KLHL1: variants seen among roughly 807,000 people sequenced by gnomAD.
The protein encoded by KLHL1 is kelch like family member 1.
A neutral mutation model predicts 77.7 loss-of-function variants in KLHL1; 47 were observed. The ratio of observed to expected loss-of-function variants is 0.60; its 90% CI spans 0.48 to 0.77. The LOEUF is 0.77. Ranked by LOEUF, KLHL1 falls within the 30% of genes least tolerant of loss-of-function variation. The probability of loss-of-function intolerance (pLI) is 0.00; values close to 1 mark genes in which losing one functional copy is unlikely to be tolerated. For missense variants in KLHL1, 925 were observed against 910.8 expected (o/e 1.02, Z -0.20); for synonymous variants, 360 against 325.2 (o/e 1.11, Z -1.15).
chr13:69,992,657 C>A (rs1235916749), intron 1 of KLHL1, among the ~76,000 whole-genome samples: 1 of 151,968 alleles, frequency 6.6e-6, no homozygotes, highest in Non-Finnish European at 1.5e-5. Context: ...GATCCTTTAT[C>A]TTTCCTTATT....
chr13:69,921,921 ATT>A (rs1197300551), intron 4 of KLHL1, among the ~76,000 whole-genome samples: 37 of 122,620 alleles, frequency 3.0e-4, no homozygotes, highest in African/African-American at 4.3e-4. Context: ...TGAATGATTG[ATT>A]TTTTTTTTTT....
At chr13:69,992,492 A>T (rs752500233) in intron 1 of KLHL1, among the ~76,000 whole-genome samples, 1 of 152,030 alleles carries the variant, frequency 6.6e-6, no homozygotes, top group African/African-American at 2.4e-5. Flanking sequence ...TATGTGCCTT[A>T]GCTAGACTTA....
intron 1 of KLHL1, among the ~76,000 whole-genome samples, chr13:70,041,132 A>T (rs573415761): frequency 5.3e-4 from 80 of 152,046 alleles, no homozygotes; most frequent in East Asian, 2.3e-3. Context: ...ATTTTAAAAA[A>T]TTTTTTTTAT....
intron 1 of KLHL1, among the ~76,000 whole-genome samples, chr13:70,065,674 T>C (rs1242580927): frequency 1.3e-5 from 2 of 152,194 alleles, no homozygotes; most frequent in African/African-American, 4.8e-5. Context: ...TTTTAGTATA[T>C]GTGCTTGGAG....
chr13:69,822,197 CAAA>C (rs35346749), intron 6 of KLHL1, among the ~76,000 whole-genome samples: 5 of 78,378 alleles, frequency 6.4e-5, no homozygotes, highest in African/African-American at 4.6e-5. Context: ...GACTCCATCT[CAAA>C]AAAAAAAAAA....
chr13:69,898,801 T>C (rs888086750), intron 4 of KLHL1, among the ~76,000 whole-genome samples: 1 of 152,168 alleles, frequency 6.6e-6, no homozygotes, highest in African/African-American at 2.4e-5. Context: ...GACATTTTTT[T>C]CTATTCAATG....
chr13:69,752,399 T>C (rs931977012), intron 7 of KLHL1, among the ~76,000 whole-genome samples: 51 of 152,270 alleles, frequency 3.3e-4, no homozygotes, highest in African/African-American at 1.2e-3. Flanking sequence ...GTCAAAAATA[T>C]TTTAAAAAGT....
chr13:69,861,946 C>G (rs1880182503), intron 5 of KLHL1, among the ~76,000 whole-genome samples: 1 of 145,702 alleles, frequency 6.9e-6, no homozygotes, highest in Non-Finnish European at 1.5e-5. Flanking sequence ...GCCTGAGCAA[C>G]AAGAGCGAAA....
chr13:70,004,614 ATT>A (rs1438853417), intron 1 of KLHL1, among the ~76,000 whole-genome samples: 1 of 151,940 alleles, frequency 6.6e-6, no homozygotes, highest in Non-Finnish European at 1.5e-5. Context: ...CCTGCATCAC[ATT>A]TAAATATGTA....
intron 2 of KLHL1, among the ~76,000 whole-genome samples, chr13:69,966,375 G>A (rs1184954624): frequency 6.6e-6 from 1 of 152,034 alleles, no homozygotes; most frequent in Non-Finnish European, 1.5e-5. Flanking sequence ...GAACTATAAA[G>A]CCTGGACGAC....
At chr13:69,714,249 T>C (rs1251735332) in intron 9 of KLHL1, among the ~76,000 whole-genome samples, 1 of 152,218 alleles carries the variant, frequency 6.6e-6, no homozygotes, top group East Asian at 1.9e-4. Flanking sequence ...ACTTACGTCA[T>C]ATTTTATTAC....
rs763213239 is a variant in KLHL1 at position 70,107,538 on chromosome 13, A to G, written c.162T>C (p.Ser54=). The G allele has an allele frequency of 1.2e-6, 2 of 1,609,392 alleles. No individual in the cohort carries two copies. Among genetic ancestry groups the G allele is most frequent in the Non-Finnish European group, 1.7e-6 (2 of 1,177,500 alleles). ...GSFEHWGPSQ[S]RLLKSQERSG... Reference sequence around the variant, plus strand: ...TTCTCTCTTGGCTTTTGAGCAGGCGACTCTGGCTGGGTCCCCAGTGCTCAA... The same window carrying G: ...TTCTCTCTTGGCTTTTGAGCAGGCGGCTCTGGCTGGGTCCCCAGTGCTCAA... Residue 54 remains serine (S), a synonymous_variant, in exon 1 of 11, where the codon AGT becomes AGC. Coordinates refer to ENST00000377844, the MANE Select transcript of KLHL1 (RefSeq NM_020866.3).
intron 4 of KLHL1, among the ~76,000 whole-genome samples, chr13:69,919,208 T>C (rs1882549561): frequency 6.6e-6 from 1 of 152,220 alleles, no homozygotes; most frequent in African/African-American, 2.4e-5. Context: ...TCTTCTATAC[T>C]GAGAAGAACA....
At position 70,106,497 on chromosome 13, in the gene KLHL1, A is replaced by G. The variant is rs561245123; in HGVS notation, c.497+706T>C. On this transcript the variant is annotated intron_variant, in intron 1 of 10. Transcript: ENST00000377844. ...GCATAATATTTGAAATAAACTAGAA[A>G]TAAATATTGAGCTGTTTACCAAGGA... Among the ~76,000 whole-genome samples, 5 of 152,320 alleles carry G rather than the reference A, an allele frequency of 3.3e-5. No individual in the cohort carries two copies. The East Asian group carries it at 7.7e-4, about 24-fold the overall frequency.
chr13:69,983,589 A>AAAAAAAAAAAAAAAAAAAAAAAAG (rs1216543322), intron 1 of KLHL1, among the ~76,000 whole-genome samples: 35 of 132,144 alleles, frequency 2.6e-4, no homozygotes, highest in African/African-American at 1.1e-3. Flanking sequence ...AAAAAAAAAA[A>AAAAAAAAAAAAAAAAAAAAAAAAG]AAGAAGAAGA....
In KLHL1 at chr13:70,034,676, A is replaced by G. The variant is rs148167047; in HGVS notation, c.498-58874T>C. Among the ~76,000 whole-genome samples the G allele has an allele frequency of 5.7e-3, 874 of 152,234 alleles. 4 individuals carry two copies. Among genetic ancestry groups the G allele is most frequent in the Non-Finnish European group, 9.1e-3 (619 of 68,018 alleles). On this transcript the variant is annotated intron_variant, in intron 1 of 10. Transcript: ENST00000377844. ...TCTATGTGTTTGTGTAGAGGGGAAGAGGTGCATGTGTATTTTGAGGAAGAG... is the reference window on the plus strand; with the variant it reads ...TCTATGTGTTTGTGTAGAGGGGAAGGGGTGCATGTGTATTTTGAGGAAGAG...
intron 6 of KLHL1, among the ~76,000 whole-genome samples, chr13:69,806,120 A>ACAT (rs1454570802): frequency 1.3e-5 from 2 of 152,166 alleles, no homozygotes; most frequent in African/African-American, 4.8e-5. Flanking sequence ...TCAATGGAAA[A>ACAT]CATCTTATTA....
chr13:70,022,425 T>C (rs1483712624), intron 1 of KLHL1, among the ~76,000 whole-genome samples: 1 of 151,804 alleles, frequency 6.6e-6, no homozygotes, highest in Non-Finnish European at 1.5e-5. Context: ...AGAAAAAATA[T>C]TATATACAAA....
intron 3 of KLHL1, among the ~76,000 whole-genome samples, chr13:69,952,591 A>T (rs1883744571): frequency 6.6e-6 from 1 of 151,342 alleles, no homozygotes; most frequent in African/African-American, 2.4e-5. Context: ...ATGAAAACTC[A>T]AGTTCACAAT....
Sources: allele counts gnomAD v4.1 joint callset (sites outside exome capture counted in the v4.1 genomes callset), GRCh38; gene constraint gnomAD v4.1.1; transcripts MANE v1.5; gene names NCBI Gene and HGNC (gene_info 2026-07-23, HGNC 2026-07-21).